The following ADCY9 variants were observed in gnomAD, a reference collection of about 807,000 sequenced individuals.
ADCY9 encodes adenylate cyclase 9, also known as adenylate cyclase type 9.
A neutral mutation model predicts 101.5 loss-of-function variants in ADCY9; 50 were observed. The ratio of observed to expected loss-of-function variants is 0.49; its 90% confidence interval spans 0.39 to 0.62. ADCY9 has a LOEUF of 0.62. Ranked by LOEUF, ADCY9 falls within the 20% of genes least tolerant of loss-of-function variation. ADCY9 has a pLI of 0.00. For synonymous variants in ADCY9, 905 were observed against 769.3 expected (o/e 1.18, Z -2.92); for missense variants, 1,662 against 1,800.4 (o/e 0.92, Z 1.39).
At chr16:4,034,970 C>T (rs1166575270) in intron 2 of ADCY9, among the ~76,000 whole-genome samples, 1 of 152,242 alleles carries the variant, frequency 6.6e-6, no homozygotes, top group Non-Finnish European at 1.5e-5. Context: ...AACAAAAACA[C>T]ATCTGGCACA....
At position 3,972,452 on chromosome 16, in the gene ADCY9, C is replaced by T. The variant is rs966580530; in HGVS notation, c.2870+2217G>A. Among the ~76,000 whole-genome samples the T allele has an allele frequency of 2.0e-5, 3 of 151,988 alleles. No individual in the cohort carries two copies. The East Asian group carries it at 5.8e-4, about 29-fold the overall frequency. ...ACAAACATGTTGGTCAGGCTGGTCTCGAACTCCTGACCTCAGGTGATCCAC... is the reference window on the plus strand; with the variant it reads ...ACAAACATGTTGGTCAGGCTGGTCTTGAACTCCTGACCTCAGGTGATCCAC... On this transcript the variant is annotated intron_variant, in intron 10 of 10. Coordinates refer to ENST00000294016, the MANE Select transcript of ADCY9 (RefSeq NM_001116.4).
At chr16:4,086,917 C>T (rs1324182437) in intron 2 of ADCY9, among the ~76,000 whole-genome samples, 1 of 152,096 alleles carries the variant, frequency 6.6e-6, no homozygotes, top group Non-Finnish European at 1.5e-5. Flanking sequence ...ACCTAGGCCT[C>T]CCAGAGTGCT....
intron 2 of ADCY9, among the ~76,000 whole-genome samples, chr16:4,025,404 G>A (rs986571549): frequency 1.3e-5 from 2 of 148,754 alleles, no homozygotes; most frequent in African/African-American, 2.5e-5. Flanking sequence ...GTGGATCACT[G>A]TGAACGCTGC....
rs1254531330 is a variant in ADCY9, at chr16:4,115,564, T to C, written c.-43-79A>G. The C allele has an allele frequency of 1.0e-5, 13 of 1,258,060 alleles. No homozygotes were observed. 77.9% of individuals were successfully genotyped at this position (1,258,060 alleles called of 1,614,324 possible). A position where few individuals can be genotyped will look rare whatever the true frequency, so the allele number is the denominator to read the frequency against. Reference sequence around the variant, plus strand: ...AGAGGCCCGGGACCTGCTCCTGTCCTAAGGGGCGGCTCCAGCACGCGACCT... The same window carrying C: ...AGAGGCCCGGGACCTGCTCCTGTCCCAAGGGGCGGCTCCAGCACGCGACCT... On this transcript the variant is annotated intron_variant, in intron 1 of 10. Coordinates refer to ENST00000294016, the MANE Select transcript of ADCY9 (RefSeq NM_001116.4). The surrounding 1 kb of genome is among the most constrained non-coding windows in gnomAD (Gnocchi z 6.2).
intron 2 of ADCY9, among the ~76,000 whole-genome samples, chr16:4,030,577 C>T (rs1437202413): frequency 6.6e-6 from 1 of 152,052 alleles, no homozygotes; most frequent in Non-Finnish European, 1.5e-5. Context: ...GTGGTGGGTG[C>T]CTGTAGTCCC....
intron 3 of ADCY9, among the ~76,000 whole-genome samples, chr16:3,998,708 CAAAAAAAAAAAAAAA>C (rs1165056665): frequency 2.8e-4 from 1 of 3,602 alleles, no homozygotes; most frequent in East Asian, 7.9e-3. Context: ...AACTCTGTCT[CAAAAAAAAAAAAAAA>C]AAAAAAAAAA....
At position 4,089,059 on chromosome 16, in the gene ADCY9, A is replaced by C. The variant is rs186340543; in HGVS notation, c.1693+24691T>G. On this transcript the variant is annotated intron_variant, in intron 2 of 10. Coordinates refer to ENST00000294016, the MANE Select transcript of ADCY9 (RefSeq NM_001116.4). ...TTGCCTGTAGTTCTAGAGTTCCTAG[A>C]AATGGAATCATATAAAACGTGGCAT... Among the ~76,000 whole-genome samples, 7 of 152,146 alleles carry C rather than the reference A, an allele frequency of 4.6e-5. 1 individual carries two copies. In the South Asian group the frequency reaches 6.2e-4, roughly 14 times the overall value.
At chr16:4,085,833 C>T (rs2056934409) in intron 2 of ADCY9, among the ~76,000 whole-genome samples, 1 of 151,970 alleles carries the variant, frequency 6.6e-6, no homozygotes, top group Non-Finnish European at 1.5e-5. Flanking sequence ...GGTGCAGGCT[C>T]GAGAGTGAGC....
intron 2 of ADCY9, among the ~76,000 whole-genome samples, chr16:4,033,503 G>A (rs1014042843): frequency 6.8e-6 from 1 of 146,472 alleles, no homozygotes; most frequent in African/African-American, 2.6e-5. Flanking sequence ...GTGTAATCTT[G>A]GCTCACTGCA....
chr16:4,082,809 G>T (rs2056913754), intron 2 of ADCY9, among the ~76,000 whole-genome samples: 2 of 152,220 alleles, frequency 1.3e-5, no homozygotes. Context: ...CTGGAGCAGG[G>T]TAAGTTCACC....
At chr16:3,996,388 G>T (rs185961229) in intron 3 of ADCY9, among the ~76,000 whole-genome samples, 3 of 152,096 alleles carry the variant, frequency 2.0e-5, no homozygotes, top group Admixed American at 1.3e-4. Context: ...GTATAAATAT[G>T]TATATATTTG....
rs1004593624 is a variant in ADCY9 at position 4,082,254 on chromosome 16, C to T, written c.1693+31496G>A. Among the ~76,000 whole-genome samples the T allele has an allele frequency of 2.0e-5, 3 of 152,100 alleles. No homozygotes were observed. In the South Asian group the frequency reaches 6.2e-4, roughly 32 times the overall value. Reference sequence around the variant, plus strand: ...ATTAGCCAGGCATGGTGGTACACGACTGTATTCCCAGATACTCAAGAGGCT... The same window carrying T: ...ATTAGCCAGGCATGGTGGTACACGATTGTATTCCCAGATACTCAAGAGGCT... On this transcript the variant is annotated intron_variant, in intron 2 of 10. Coordinates refer to ENST00000294016, the MANE Select transcript of ADCY9 (RefSeq NM_001116.4).
chr16:4,062,377 G>A (rs1267292683), intron 2 of ADCY9, among the ~76,000 whole-genome samples: 1 of 152,156 alleles, frequency 6.6e-6, no homozygotes, highest in African/African-American at 2.4e-5. Flanking sequence ...AATGTTAGAT[G>A]TAATCCAAGC....
At chr16:4,013,154 G>A (rs1272605028) in intron 2 of ADCY9, among the ~76,000 whole-genome samples, 1 of 152,060 alleles carries the variant, frequency 6.6e-6, no homozygotes, top group Non-Finnish European at 1.5e-5. Flanking sequence ...AGGCTAAGAT[G>A]GGAGGATCAC....
intron 2 of ADCY9, among the ~76,000 whole-genome samples, chr16:4,096,199 T>G (rs1213960564): frequency 6.6e-6 from 1 of 152,204 alleles, no homozygotes; most frequent in South Asian, 2.1e-4. Context: ...ATGCTAAATG[T>G]GTCTAAATGA....
Position 4,116,338 on chromosome 16 carries a change from TGCGGCCGCCGCC to T in ADCY9, c.-704_-693del, listed in dbSNP as rs1263960524. ...GGGGGCCGCCTCCCCGAGCTAGAGA[TGCGGCCGCCGCC>T]GCGCCCGCCGCCGTGTCCCCCGCGG... is the stretch of plus-strand genomic sequence containing the variant. On this transcript the variant is annotated 5_prime_UTR_variant, in exon 1 of 11. Coordinates refer to ENST00000294016, the MANE Select transcript of ADCY9 (RefSeq NM_001116.4). 4.9e-5 allele frequency among the ~76,000 whole-genome samples: 7 copies of T among 143,476 alleles called. No homozygotes were observed. The highest frequency in any genetic ancestry group is 7.5e-5 in the African/African-American group (3 of 39,888). The allele number at this position is 143,476 out of a possible 152,430, so 94.1% of individuals were successfully genotyped here.
chr16:3,954,632 A>G (rs1356547232), intron 5 of ADCY9, among the ~76,000 whole-genome samples: 1 of 152,112 alleles, frequency 6.6e-6, no homozygotes, highest in East Asian at 1.9e-4. Flanking sequence ...CAAGAAGCCA[A>G]GGGGGCCGGC....
chr16:4,041,943 A>G (rs1344193917), intron 2 of ADCY9, among the ~76,000 whole-genome samples: 2 of 30,792 alleles, frequency 6.5e-5, no homozygotes, highest in Non-Finnish European at 1.3e-4. Context: ...TTTTTTTTTG[A>G]GACGGAGTCT....
chr16:4,097,899 T>A (rs972490467), intron 2 of ADCY9, among the ~76,000 whole-genome samples: 1 of 152,094 alleles, frequency 6.6e-6, no homozygotes, highest in African/African-American at 2.4e-5. Flanking sequence ...CACACATATA[T>A]TATATGCCTG....
Sources: gnomAD v4.1 joint callset for allele counts (sites outside exome capture counted in the v4.1 genomes callset) on GRCh38, gnomAD v4.1.1 for gene constraint, Gnocchi (gnomAD v3.1) non-coding constraint, MANE v1.5 for transcripts, NCBI Gene and HGNC (gene_info 2026-07-23, HGNC 2026-07-21) for gene names.